ISM1: variants seen among roughly 807,000 people sequenced by gnomAD.
ISM1 encodes the protein isthmin 1, also known as isthmin-1.
Under a neutral mutation model 46.3 loss-of-function variants are expected in ISM1, and 25 were observed. The observed-to-expected ratio is 0.54, with a 90% CI of 0.39 to 0.75. The LOEUF (loss-of-function observed/expected upper bound fraction) is 0.75. Among genes scored for constraint, ISM1 ranks in the 30% least tolerant of loss-of-function variants. ISM1 has a pLI of 0.00. For missense variants in ISM1, 536 were observed against 625.4 expected (o/e 0.86, Z 1.52); for synonymous variants, 255 against 256.7 (o/e 0.99, Z 0.06).
At chr20:13,307,291 T>C in the ISM1 span, among the ~76,000 whole-genome samples, 1 of 152,214 alleles carries the variant, frequency 6.6e-6, no homozygotes, top group African/African-American at 2.4e-5. Flanking sequence ...GAACATTTTA[T>C]GGAAGTAGTA....
intron 2 of ISM1, among the ~76,000 whole-genome samples, chr20:13,276,666 A>G (rs1350174166): frequency 1.4e-5 from 2 of 144,310 alleles, no homozygotes; most frequent in African/African-American, 5.5e-5. Flanking sequence ...AGACTTTGTC[A>G]GTTTGGAAAT....
At chr20:13,279,932 G>T in intron 3 of ISM1, 34 bp downstream of exon 3, 1 of 1,598,052 alleles carries the variant, frequency 6.3e-7, no homozygotes, top group South Asian at 1.1e-5. Flanking sequence ...AAAATTGGTG[G>T]GAAGAATAAA....
chr20:13,303,245 A>G (rs1189414023), downstream of ISM1, among the ~76,000 whole-genome samples: 4 of 152,272 alleles, frequency 2.6e-5, no homozygotes, highest in Admixed American at 1.3e-4. Flanking sequence ...ACTCATCCCA[A>G]GGTCTGCTGG....
chr20:13,288,793 T>A (rs2040321646), intron 4 of ISM1, 110 bp downstream of exon 4: 1 of 1,146,420 alleles, frequency 8.7e-7, no homozygotes, highest in Non-Finnish European at 1.2e-6. Flanking sequence ...TTTCTTTTCT[T>A]TTTTTTTTTG....
intron 1 of ISM1, among the ~76,000 whole-genome samples, chr20:13,249,922 C>G (rs186996176): frequency 1.3e-5 from 2 of 152,054 alleles, no homozygotes; most frequent in Admixed American, 1.3e-4. Flanking sequence ...ATTGCTGGGG[C>G]CTTCCAGAAA....
At chr20:13,276,574 TG>T (rs1489671374) in intron 2 of ISM1, among the ~76,000 whole-genome samples, 3 of 152,232 alleles carry the variant, frequency 2.0e-5, no homozygotes, top group African/African-American at 7.2e-5. Flanking sequence ...ATGACTTGAG[TG>T]TGAAAAAGTC....
chr20:13,224,058 G>C (rs1018632695), intron 1 of ISM1, among the ~76,000 whole-genome samples: 3 of 151,988 alleles, frequency 2.0e-5, no homozygotes. Context: ...TGCCCCAAGA[G>C]GACACAACAA....
intron 1 of ISM1, among the ~76,000 whole-genome samples, chr20:13,223,692 A>G (rs758768591): frequency 6.6e-6 from 1 of 152,230 alleles, no homozygotes; most frequent in Admixed American, 6.5e-5. Context: ...AGATAAGTAC[A>G]GTGACAGACT....
intron 2 of ISM1, among the ~76,000 whole-genome samples, chr20:13,276,636 G>A (rs987832474): frequency 4.6e-5 from 7 of 151,986 alleles, no homozygotes; most frequent in African/African-American, 1.7e-4. Context: ...TTAAGGATGA[G>A]AAAGGACGGT....
chr20:13,280,289 C>T (rs913892366), intron 3 of ISM1, among the ~76,000 whole-genome samples: 3 of 151,108 alleles, frequency 2.0e-5, no homozygotes, highest in Non-Finnish European at 2.9e-5. Flanking sequence ...GAGATACGTA[C>T]GGCTGCTTCC....
Position 13,236,668 on chromosome 20 carries a change from G to A in ISM1, c.138+14754G>A, listed in dbSNP as rs1002346618. ...GCTAGTTACTTCCTAGATACAATGG[G>A]GGTACAGGTATTGGGTAAATACAGT... is the stretch of plus-strand genomic sequence containing the variant. On this transcript the variant is annotated intron_variant, in intron 1 of 5. Transcript: ENST00000262487. Among the ~76,000 whole-genome samples, 9 of 152,268 alleles carry A rather than the reference G, an allele frequency of 5.9e-5. No individual in the cohort carries two copies. The South Asian group carries it at 1.5e-3, about 25-fold the overall frequency.
intron 5 of ISM1, among the ~76,000 whole-genome samples, chr20:13,294,317 C>T (rs2040385650): frequency 6.6e-6 from 1 of 152,208 alleles, no homozygotes; most frequent in South Asian, 2.1e-4. Flanking sequence ...AATCCCTTCA[C>T]ACACATATGA....
chr20:13,278,745 G>A (rs2040207175), intron 2 of ISM1, among the ~76,000 whole-genome samples: 1 of 152,224 alleles, frequency 6.6e-6, no homozygotes, highest in Non-Finnish European at 1.5e-5. Context: ...AGCTGGGAGA[G>A]CTTGTCTCTG....
At chr20:13,312,692 G>A in the ISM1 span, among the ~76,000 whole-genome samples, 1 of 152,070 alleles carries the variant, frequency 6.6e-6, no homozygotes, top group East Asian at 1.9e-4. Context: ...AGCAAACTAT[G>A]GGGCCCCTGG....
intron 1 of ISM1, among the ~76,000 whole-genome samples, chr20:13,264,774 G>A (rs1056776241): frequency 6.6e-6 from 1 of 152,230 alleles, no homozygotes; most frequent in African/African-American, 2.4e-5. Context: ...ATTAAAACGT[G>A]TGGATTTGTC....
intron 1 of ISM1, among the ~76,000 whole-genome samples, chr20:13,251,096 C>G (rs1051083421): frequency 6.6e-6 from 1 of 152,174 alleles, no homozygotes; most frequent in African/African-American, 2.4e-5. Context: ...TTCTGCCTCC[C>G]TCCCTATAAT....
chr20:13,286,241 G>C (rs1425714476), intron 3 of ISM1, among the ~76,000 whole-genome samples: 3 of 151,978 alleles, frequency 2.0e-5, no homozygotes, highest in Non-Finnish European at 2.9e-5. Context: ...TCTCTGACAA[G>C]TGTGCAATTG....
intron 2 of ISM1, among the ~76,000 whole-genome samples, chr20:13,272,824 A>G (rs186301869): frequency 3.6e-4 from 55 of 152,302 alleles, no homozygotes; most frequent in African/African-American, 1.3e-3. Context: ...GTTTCCTATC[A>G]TGGCTCATCC....
At chr20:13,238,214 G>C (rs1294868532) in intron 1 of ISM1, 1 of 152,174 alleles carries the variant, frequency 6.6e-6, no homozygotes, top group Non-Finnish European at 1.5e-5. Context: ...CAGAAGTCCA[G>C]CCATGGGCCT....
Sources: gnomAD v4.1 joint callset for allele counts (sites outside exome capture counted in the v4.1 genomes callset) on GRCh38, gnomAD v4.1.1 for gene constraint, MANE v1.5 for transcripts, NCBI Gene and HGNC (gene_info 2026-07-23, HGNC 2026-07-21) for gene names.